Variants in PSIP1 observed in about 807,000 individuals in gnomAD.
PSIP1 encodes the protein PC4 and SFRS1-interacting protein.
A neutral mutation model predicts 74.7 loss-of-function variants in PSIP1; 19 were observed. The ratio of observed to expected loss-of-function variants is 0.25; its 90% CI spans 0.18 to 0.37. The LOEUF is 0.37. PSIP1 is among the 10% of genes least tolerant of loss of function. The pLI, the probability that PSIP1 is intolerant of heterozygous loss-of-function variation, is 1.00. For missense variants in PSIP1, 601 were observed against 614.3 expected, an observed-to-expected ratio of 0.98 and a Z score of 0.23; for synonymous variants, 222 against 195.3, an observed-to-expected ratio of 1.14 and a Z score of -1.14.
At chr9:15,500,418 T>C (rs1270875387) in intron 3 of PSIP1, among the ~76,000 whole-genome samples, 3 of 151,880 alleles carry the variant, frequency 2.0e-5, no homozygotes, top group East Asian at 3.9e-4. Context: ...TGAGCGGAGA[T>C]TGCGCCACTG....
chr9:15,465,779 T>G, intron 15 of PSIP1, 199 bp from the exon 16 acceptor site: 1 of 508,912 alleles, frequency 2.0e-6, no homozygotes, highest in Non-Finnish European at 3.4e-6. Flanking sequence ...ATGTTGTATC[T>G]TCTTCCCAAA....
intron 6 of PSIP1, among the ~76,000 whole-genome samples, chr9:15,484,458 G>T (rs1302481838): frequency 1.3e-5 from 2 of 151,910 alleles, no homozygotes; most frequent in African/African-American, 4.8e-5. Context: ...AATTAGCTGG[G>T]CGTGGTGGCT....
chr9:15,466,946 C>G, intron 14 of PSIP1, 87 bp from the exon 15 acceptor site: 1 of 930,564 alleles, frequency 1.1e-6, no homozygotes, highest in South Asian at 1.4e-5. Context: ...AATCAAAATA[C>G]AACATGGCCA....
chr9:15,497,233 T>C (rs986991474), intron 3 of PSIP1, among the ~76,000 whole-genome samples: 1 of 151,706 alleles, frequency 6.6e-6, no homozygotes, highest in African/African-American at 2.4e-5. Context: ...AGTAATGTAC[T>C]ATCACATCCA....
At chr9:15,470,706 T>C in intron 10 of PSIP1, 2 of 942,330 alleles carry the variant, frequency 2.1e-6, no homozygotes, top group Non-Finnish European at 2.5e-6. Flanking sequence ...CTACTACTGT[T>C]TAATCTCTCA....
chr9:15,506,511 T>A, intron 3 of PSIP1, 50 bp downstream of exon 3: 1 of 1,334,336 alleles, frequency 7.5e-7, no homozygotes. Flanking sequence ...TACTGCCTAA[T>A]AACCCTGTTA....
chr9:15,504,645 G>T (rs1419600368), intron 3 of PSIP1, among the ~76,000 whole-genome samples: 3 of 151,800 alleles, frequency 2.0e-5, no homozygotes, highest in Admixed American at 1.3e-4. Flanking sequence ...GCTGAGGCAG[G>T]AGAATGGCGT....
At position 15,498,205 on chromosome 9, in the gene PSIP1, C is replaced by G. The variant is rs144211615; in HGVS notation, c.150-8081G>C. ...CCAAGGCGGGCGTGTCACCTGAGGTCAGGAGTTCGAGACCAGCCTGGCCAA... is the reference window on the plus strand; with the variant it reads ...CCAAGGCGGGCGTGTCACCTGAGGTGAGGAGTTCGAGACCAGCCTGGCCAA... On this transcript the variant is annotated intron_variant, in intron 3 of 15. Coordinates refer to ENST00000380733, the MANE Select transcript of PSIP1 (RefSeq NM_033222.5). Among the ~76,000 whole-genome samples, 497 of 152,272 alleles carry G rather than the reference C, an allele frequency of 3.3e-3. 3 individuals carry two copies. Among genetic ancestry groups the G allele is most frequent in the African/African-American group, 0.012 (487 of 41,550 alleles).
chr9:15,490,203 A>T (rs936981555), intron 3 of PSIP1, 79 bp from the exon 4 acceptor site: 8 of 1,270,618 alleles, frequency 6.3e-6, no homozygotes, highest in Non-Finnish European at 8.3e-6. Context: ...CCTATTACAC[A>T]ATTATCAAAA....
At chr9:15,469,823 C>A (rs2035756957) in intron 11 of PSIP1, 115 bp downstream of exon 11, 7 of 843,952 alleles carry the variant, frequency 8.3e-6, no homozygotes, top group South Asian at 3.5e-5. Context: ...TTGAAAAATT[C>A]TATTTGTAGG....
chr9:15,498,478 T>A (rs1207427920), intron 3 of PSIP1, among the ~76,000 whole-genome samples: 1 of 151,470 alleles, frequency 6.6e-6, no homozygotes, highest in Non-Finnish European at 1.5e-5. Context: ...GAACTCTTAA[T>A]GAGACTCAAA....
At chr9:15,469,202 T>TG in intron 12 of PSIP1, 64 bp downstream of exon 12, 1 of 1,333,394 alleles carries the variant, frequency 7.5e-7, no homozygotes. Flanking sequence ...TAAGATCATG[T>TG]GAGAAAATAA....
intron 14 of PSIP1, among the ~76,000 whole-genome samples, chr9:15,468,131 A>G (rs1333248716): frequency 6.6e-6 from 1 of 152,004 alleles, no homozygotes; most frequent in Admixed American, 6.5e-5. Context: ...TTTAAAAAAA[A>G]AAAAAAAAAA....
At chr9:15,510,564 C>T (rs1379881026) in intron 1 of PSIP1, among the ~76,000 whole-genome samples, 2 of 152,090 alleles carry the variant, frequency 1.3e-5, no homozygotes, top group Non-Finnish European at 2.9e-5. Context: ...GTCTGCCCGC[C>T]CCATCTTTCT....
intron 2 of PSIP1, among the ~76,000 whole-genome samples, chr9:15,508,581 A>G (rs976613555): frequency 5.3e-5 from 8 of 152,206 alleles, no homozygotes; most frequent in Non-Finnish European, 1.0e-4. Flanking sequence ...TCACTGTGGC[A>G]TGCAAATCGG....
At chr9:15,506,231 C>G (rs1215542302) in intron 3 of PSIP1, 3 of 182,802 alleles carry the variant, frequency 1.6e-5, no homozygotes, top group Non-Finnish European at 3.5e-5. Flanking sequence ...TAGGTACCAA[C>G]TAGTCCTTAT....
At position 15,472,531 on chromosome 9, in the gene PSIP1, C is replaced by CA. The variant is rs929295731; in HGVS notation, c.977+100dup. Reference sequence around the variant, plus strand: ...TAACACATGGGAAAAGTCACTTCTTCAAAAGGCTTCATAAAGTCTGGAAAA... The same window carrying CA: ...TAACACATGGGAAAAGTCACTTCTTCAAAAAGGCTTCATAAAGTCTGGAAAA... On this transcript the variant is annotated intron_variant, in intron 10 of 15. Coordinates refer to ENST00000380733, the MANE Select transcript of PSIP1 (RefSeq NM_033222.5). 2.3e-5 allele frequency: 34 copies of CA among 1,474,484 alleles called. No individual in the cohort carries two copies. In the African/African-American group the frequency reaches 4.8e-4, roughly 21 times the overall value. The allele number at this position is 1,474,484 out of a possible 1,614,324, so 91.3% of individuals were successfully genotyped here. A position where few individuals can be genotyped will look rare whatever the true frequency, so the allele number is the denominator to read the frequency against.
intron 10 of PSIP1, chr9:15,472,338 A>G: frequency 8.6e-7 from 1 of 1,157,550 alleles, no homozygotes; most frequent in Non-Finnish European, 1.1e-6. Context: ...ATACAAACAA[A>G]TGGTTGAGGA....
intron 9 of PSIP1, among the ~76,000 whole-genome samples, chr9:15,472,955 A>G (rs2035905084): frequency 6.6e-6 from 1 of 152,196 alleles, no homozygotes; most frequent in Non-Finnish European, 1.5e-5. Flanking sequence ...ATCTTGTTTT[A>G]TGCCCTGCTA....
Sources: allele counts gnomAD v4.1 joint callset (sites outside exome capture counted in the v4.1 genomes callset), GRCh38; gene constraint gnomAD v4.1.1; transcripts MANE v1.5; gene names NCBI Gene and HGNC (gene_info 2026-07-23, HGNC 2026-07-21).